Variants in PDE4B observed in about 807,000 individuals in gnomAD.
PDE4B encodes 3',5'-cyclic-AMP phosphodiesterase 4B.
Under a neutral mutation model 82.2 loss-of-function variants are expected in PDE4B, and 20 were observed. The observed-to-expected ratio is 0.24, with a 90% confidence interval of 0.17 to 0.35. PDE4B has a LOEUF of 0.35. Ranked by LOEUF, PDE4B falls within the 10% of genes least tolerant of loss-of-function variation. PDE4B has a pLI of 1.00. For missense variants in PDE4B, 655 were observed against 907.2 expected, an observed-to-expected ratio of 0.72 and a Z score of 3.57; for synonymous variants, 320 against 318.9, an observed-to-expected ratio of 1.00 and a Z score of -0.04.
At chr1:65,885,464 A>G (rs1223238436) in intron 1 of PDE4B, among the ~76,000 whole-genome samples, 1 of 152,156 alleles carries the variant, frequency 6.6e-6, no homozygotes, top group Non-Finnish European at 1.5e-5. Context: ...ACCAACCCAA[A>G]TTTCCATCAA....
chr1:66,194,938 A>T (rs1161010687), intron 3 of PDE4B, among the ~76,000 whole-genome samples: 2 of 152,150 alleles, frequency 1.3e-5, no homozygotes, highest in African/African-American at 2.4e-5. Context: ...GTCAGCTGTT[A>T]AACTCTATAT....
intron 3 of PDE4B, among the ~76,000 whole-genome samples, chr1:65,930,536 C>T (rs1647774837): frequency 6.6e-6 from 1 of 152,188 alleles, no homozygotes; most frequent in Non-Finnish European, 1.5e-5. Context: ...GCCTTGGGAG[C>T]CCAGCCCTTA....
intron 3 of PDE4B, among the ~76,000 whole-genome samples, chr1:65,983,373 C>T (rs2489919): frequency 0.072 from 10,945 of 152,054 alleles, 439 homozygotes; most frequent in South Asian, 0.14. Flanking sequence ...TGACAGACAA[C>T]GACATGAATT....
chr1:65,836,609 C>T, intron 1 of PDE4B, among the ~76,000 whole-genome samples: 1 of 152,172 alleles, frequency 6.6e-6, no homozygotes, highest in Admixed American at 6.5e-5. Context: ...GTACTATTCT[C>T]TGACAGCTTT....
chr1:66,057,033 G>A (rs571557327), intron 3 of PDE4B, among the ~76,000 whole-genome samples: 172 of 152,206 alleles, frequency 1.1e-3, no homozygotes, highest in Middle Eastern at 6.8e-3. Context: ...ATATATTTTC[G>A]TTGTTTTGAA....
intron 1 of PDE4B, among the ~76,000 whole-genome samples, chr1:65,863,310 GT>G (rs1445206676): frequency 6.6e-6 from 1 of 152,100 alleles, no homozygotes; most frequent in Non-Finnish European, 1.5e-5. Flanking sequence ...TAGTTGTGCA[GT>G]TTTTTTGTGA....
chr1:65,937,442 T>C (rs1027451518), intron 3 of PDE4B, among the ~76,000 whole-genome samples: 2 of 152,204 alleles, frequency 1.3e-5, no homozygotes, highest in Non-Finnish European at 2.9e-5. Context: ...TTTTATACTT[T>C]TGTGCTGCCT....
rs1649117305 is a variant in PDE4B at position 65,953,734 on chromosome 1, C to CAT, written c.281+34900_281+34901insTA. On this transcript the variant is annotated intron_variant, in intron 3 of 16. Coordinates refer to ENST00000341517, the MANE Select transcript of PDE4B (RefSeq NM_002600.4). ...TAAACCTCCTACCTTCATAACAGTA[C>CAT]AATTTTTAAAAAATGTGTACATATG... Among the ~76,000 whole-genome samples the CAT allele has an allele frequency of 3.3e-5, 5 of 152,070 alleles. No homozygotes were observed. In the South Asian group the frequency reaches 1.0e-3, roughly 32 times the overall value.
chr1:65,883,298 T>C (rs1338579981), intron 1 of PDE4B, among the ~76,000 whole-genome samples: 1 of 152,194 alleles, frequency 6.6e-6, no homozygotes, highest in Non-Finnish European at 1.5e-5. Context: ...GCATGGAATG[T>C]TCTTCCATTT....
At chr1:66,276,574 T>C (rs1003593491) in intron 7 of PDE4B, among the ~76,000 whole-genome samples, 1 of 152,244 alleles carries the variant, frequency 6.6e-6, no homozygotes, top group Non-Finnish European at 1.5e-5. Context: ...CATCTATCCA[T>C]TTTATTGTAA....
At chr1:66,191,307 G>A (rs1647781017) in intron 3 of PDE4B, among the ~76,000 whole-genome samples, 1 of 152,076 alleles carries the variant, frequency 6.6e-6, no homozygotes, top group Non-Finnish European at 1.5e-5. Flanking sequence ...ATCCTCATAA[G>A]CATTTAATAC....
intron 3 of PDE4B, among the ~76,000 whole-genome samples, chr1:66,093,087 C>T (rs1334952613): frequency 6.6e-6 from 1 of 151,836 alleles, no homozygotes; most frequent in African/African-American, 2.4e-5. Flanking sequence ...TAGTTGAGCC[C>T]CAGTAGGACA....
chr1:66,289,155 C>T (rs1049934886), intron 7 of PDE4B, among the ~76,000 whole-genome samples: 2 of 152,110 alleles, frequency 1.3e-5, no homozygotes, highest in Non-Finnish European at 2.9e-5. Flanking sequence ...GTGATCTCAG[C>T]CTCTCAGGAG....
At chr1:66,233,773 C>A in intron 3 of PDE4B, among the ~76,000 whole-genome samples, 1 of 151,956 alleles carries the variant, frequency 6.6e-6, no homozygotes, top group East Asian at 1.9e-4. Flanking sequence ...TATGTGATTA[C>A]ATGTATGTTG....
chr1:65,929,437 A>G (rs1442201461), intron 3 of PDE4B, among the ~76,000 whole-genome samples: 1 of 152,078 alleles, frequency 6.6e-6, no homozygotes, highest in African/African-American at 2.4e-5. Flanking sequence ...TTTTCCAATC[A>G]ATCTCACTTT....
At chr1:65,944,808 A>G (rs1648622448) in intron 3 of PDE4B, among the ~76,000 whole-genome samples, 1 of 151,914 alleles carries the variant, frequency 6.6e-6, no homozygotes, top group Non-Finnish European at 1.5e-5. Context: ...ATTTCCCCAT[A>G]GGCCCTATGA....
chr1:65,951,867 G>C (rs1441087152), intron 3 of PDE4B, among the ~76,000 whole-genome samples: 1 of 151,846 alleles, frequency 6.6e-6, no homozygotes, highest in Non-Finnish European at 1.5e-5. Context: ...TAATTCTAGG[G>C]CTTGGTTTGA....
intron 3 of PDE4B, among the ~76,000 whole-genome samples, chr1:66,245,809 C>A (rs530910147): frequency 6.6e-6 from 1 of 152,152 alleles, no homozygotes. Context: ...TTATCAGACA[C>A]CTGGAGTTTG....
intron 1 of PDE4B, among the ~76,000 whole-genome samples, chr1:65,887,214 C>G (rs1646790760): frequency 6.5e-5 from 1 of 15,306 alleles, no homozygotes; most frequent in Non-Finnish European, 1.1e-4. Context: ...TTCTTTCTTT[C>G]TTTCTTTCTT....
Sources: gnomAD v4.1 joint callset for allele counts (sites outside exome capture counted in the v4.1 genomes callset) on GRCh38, gnomAD v4.1.1 for gene constraint, MANE v1.5 for transcripts, NCBI Gene and HGNC (gene_info 2026-07-23, HGNC 2026-07-21) for gene names.